Variants in HS2ST1 observed in about 807,000 individuals in gnomAD.
HS2ST1 encodes the protein 2-O-sulfotransferase.
Under a neutral mutation model 42.9 loss-of-function variants are expected in HS2ST1, and 18 were observed. The ratio of observed to expected loss-of-function variants is 0.42; its 90% confidence interval spans 0.29 to 0.62. The LOEUF is 0.62. Ranked by LOEUF, HS2ST1 falls within the 20% of genes least tolerant of loss-of-function variation. HS2ST1 has a pLI of 0.21. For synonymous variants in HS2ST1, 146 were observed against 152.9 expected, an observed-to-expected ratio of 0.95 and a Z score of 0.33; for missense variants, 334 against 433.8, an observed-to-expected ratio of 0.77 and a Z score of 2.04.
At chr1:86,963,939 A>G (rs1557495955) in intron 1 of HS2ST1, among the ~76,000 whole-genome samples, 1 of 143,240 alleles carries the variant, frequency 7.0e-6, no homozygotes. Flanking sequence ...CTGGGCGGAG[A>G]CGCTCCTCAC....
chr1:87,101,154 TTG>T (rs1287987941), intron 5 of HS2ST1, among the ~76,000 whole-genome samples: 5,579 of 85,436 alleles, frequency 0.065, 2,112 homozygotes, highest in Non-Finnish European at 0.072. Context: ...TGTGTGTTTT[TTG>T]TTTTTTTTTT....
intron 1 of HS2ST1, among the ~76,000 whole-genome samples, chr1:86,981,486 A>G (rs1004278502): frequency 6.6e-6 from 1 of 152,234 alleles, no homozygotes; most frequent in Non-Finnish European, 1.5e-5. Flanking sequence ...CAAGTTAGTT[A>G]TTTCCAAGAT....
intron 1 of HS2ST1, among the ~76,000 whole-genome samples, chr1:86,952,473 A>G (rs955197416): frequency 6.6e-6 from 1 of 152,200 alleles, no homozygotes; most frequent in Non-Finnish European, 1.5e-5. Context: ...CCTGGTCTCA[A>G]GTGATCTGCC....
chr1:86,949,372 G>T (rs1247322065), intron 1 of HS2ST1, among the ~76,000 whole-genome samples: 2 of 152,212 alleles, frequency 1.3e-5, no homozygotes, highest in Non-Finnish European at 2.9e-5. Flanking sequence ...GCGTCCCAAA[G>T]TGCTGAGATT....
intron 1 of HS2ST1, among the ~76,000 whole-genome samples, chr1:86,974,462 T>TA (rs1472657962): frequency 1.3e-5 from 2 of 152,172 alleles, no homozygotes; most frequent in Non-Finnish European, 2.9e-5. Flanking sequence ...CTGGTAAATG[T>TA]AACTAAAGTG....
chr1:86,936,737 A>C (rs975612243), intron 1 of HS2ST1, among the ~76,000 whole-genome samples: 3 of 152,162 alleles, frequency 2.0e-5, no homozygotes, highest in Non-Finnish European at 4.4e-5. Context: ...AGAAAAGATC[A>C]ATTGTAAACT....
intron 1 of HS2ST1, among the ~76,000 whole-genome samples, chr1:87,015,451 C>T (rs1160685578): frequency 6.6e-6 from 1 of 151,648 alleles, no homozygotes; most frequent in African/African-American, 2.4e-5. Flanking sequence ...AGGTTCACAC[C>T]ATTATCCTGC....
chr1:87,097,936 G>A lies in HS2ST1; in HGVS notation c.686+1G>A, dbSNP rs753488862. 2 of 1,613,930 alleles carry A rather than the reference G, an allele frequency of 1.2e-6. No homozygotes were observed. Among genetic ancestry groups the A allele is most frequent in the Admixed American group, 1.7e-5 (1 of 60,004 alleles). The stretch of plus-strand genomic sequence containing the variant: ...TCTGTGGCCATAGCTCCGAATGCTG[G>A]TAGGGGAGATAAAGTTGGCTCAGAT... On this transcript the variant is annotated splice_donor_variant, in intron 5 of 6. Transcript: ENST00000370550. LOFTEE classifies it high-confidence loss of function.
intron 1 of HS2ST1, among the ~76,000 whole-genome samples, chr1:86,981,535 C>T (rs1220811443): frequency 2.0e-5 from 3 of 152,182 alleles, no homozygotes; most frequent in Non-Finnish European, 4.4e-5. Context: ...GTTCCCATTG[C>T]AACTTGGAGA....
At chr1:86,939,933 C>G (rs1557486839) in intron 1 of HS2ST1, among the ~76,000 whole-genome samples, 1 of 152,116 alleles carries the variant, frequency 6.6e-6, no homozygotes, top group Non-Finnish European at 1.5e-5. Flanking sequence ...ATAATGTTTT[C>G]TTAGTTAGCC....
chr1:87,089,626 A>G (rs1464329210), intron 3 of HS2ST1, among the ~76,000 whole-genome samples: 1 of 151,970 alleles, frequency 6.6e-6, no homozygotes, highest in Non-Finnish European at 1.5e-5. Context: ...TCCAGTTGCT[A>G]TTTTTAATCA....
intron 1 of HS2ST1, among the ~76,000 whole-genome samples, chr1:86,983,901 G>A (rs767711787): frequency 1.9e-4 from 29 of 152,026 alleles, no homozygotes; most frequent in African/African-American, 4.1e-4. Flanking sequence ...TTAGCTGGGC[G>A]CGGTGGCGGG....
chr1:87,062,652 T>C (rs1049618428), intron 1 of HS2ST1, among the ~76,000 whole-genome samples: 1 of 152,240 alleles, frequency 6.6e-6, no homozygotes, highest in Admixed American at 6.5e-5. Flanking sequence ...TTCTTTCTGA[T>C]GTTTTAAGAT....
chr1:86,916,332 CAA>C (rs1024093877), intron 1 of HS2ST1, among the ~76,000 whole-genome samples: 1 of 151,960 alleles, frequency 6.6e-6, no homozygotes, highest in Non-Finnish European at 1.5e-5. Flanking sequence ...AAAACAAAAA[CAA>C]AAAACCCTCA....
chr1:86,955,814 CT>C (rs1647661690), intron 1 of HS2ST1, among the ~76,000 whole-genome samples: 1 of 152,056 alleles, frequency 6.6e-6, no homozygotes, highest in Non-Finnish European at 1.5e-5. Context: ...GCAAAACCCC[CT>C]CTCTACCAAA....
intron 2 of HS2ST1, among the ~76,000 whole-genome samples, chr1:87,075,265 G>A (rs1162447759): frequency 7.3e-6 from 1 of 136,464 alleles, no homozygotes; most frequent in Non-Finnish European, 1.5e-5. Flanking sequence ...TGCCTCCCAC[G>A]TTCAAGCAAT....
At chr1:87,096,818 C>A (rs931839423) in intron 4 of HS2ST1, among the ~76,000 whole-genome samples, 16 of 152,276 alleles carry the variant, frequency 1.1e-4, no homozygotes, top group Admixed American at 2.6e-4. Flanking sequence ...ATAATTTATT[C>A]ATTTTGAGAA....
intron 5 of HS2ST1, among the ~76,000 whole-genome samples, chr1:87,102,741 C>G (rs138669862): frequency 6.6e-6 from 1 of 152,024 alleles, no homozygotes; most frequent in Non-Finnish European, 1.5e-5. Context: ...AATCACTGTT[C>G]CCCTCCCCCT....
chr1:87,046,414 G>A (rs2100609538), intron 1 of HS2ST1: 4 of 860,024 alleles, frequency 4.7e-6, no homozygotes, highest in Non-Finnish European at 8.0e-6. Context: ...ACCAACAGAA[G>A]CCAAAGCCAG....
Sources: allele counts gnomAD v4.1 joint callset (sites outside exome capture counted in the v4.1 genomes callset), GRCh38; gene constraint gnomAD v4.1.1; transcripts MANE v1.5; gene names NCBI Gene and HGNC (gene_info 2026-07-23, HGNC 2026-07-21).